The following NLRP4 variants were observed in gnomAD, a reference collection of about 807,000 sequenced individuals.
NLRP4 encodes the protein NACHT, LRR and PYD domains-containing protein 4.
In NLRP4, 44 loss-of-function variants were observed where a neutral mutation model predicts 84.7. The ratio of observed to expected loss-of-function variants is 0.52; its 90% CI spans 0.41 to 0.67. The LOEUF is 0.67. Ranked by LOEUF, NLRP4 falls within the 30% of genes least tolerant of loss-of-function variation. NLRP4 has a pLI of 0.00. For missense variants in NLRP4, 1,260 were observed against 1,219.4 expected (o/e 1.03, Z -0.50); for synonymous variants, 544 against 476.4 (o/e 1.14, Z -1.85).
chr19:55,849,899 G>A lies in NLRP4; in HGVS notation c.-65-2117G>A, dbSNP rs533594053. On this transcript the variant is annotated intron_variant, in intron 1 of 9. Coordinates refer to ENST00000301295, the MANE Select transcript of NLRP4 (RefSeq NM_134444.5). ...CCGCGGTGTAATTTCCGTGGCCGGC[G>A]GTGTAATTTCCGTAGCCGCGGTGTA... Among the ~76,000 whole-genome samples the A allele has an allele frequency of 9.4e-4, 138 of 146,736 alleles. 10 individuals carry two copies. The highest frequency in any genetic ancestry group is 1.7e-3 in the Non-Finnish European group (118 of 67,690).
intron 5 of NLRP4, among the ~76,000 whole-genome samples, chr19:55,865,087 G>A (rs904111039): frequency 4.6e-5 from 7 of 152,148 alleles, no homozygotes; most frequent in Admixed American, 2.6e-4. Flanking sequence ...TTCGTCACCC[G>A]TTAATAAGCA....
intron 1 of NLRP4, among the ~76,000 whole-genome samples, chr19:55,847,926 A>G (rs1031931713): frequency 1.3e-4 from 20 of 152,076 alleles, no homozygotes; most frequent in African/African-American, 4.6e-4. Context: ...CATCTTGGTC[A>G]GGCTGGTCTC....
chr19:55,865,110 G>C lies in NLRP4; in HGVS notation c.2187-2599G>C, dbSNP rs774191792. 2.7e-5 allele frequency among the ~76,000 whole-genome samples: 4 copies of C among 150,920 alleles called. No homozygotes were observed. The Admixed American group carries it at 2.7e-4, about 10-fold the overall frequency. On this transcript the variant is annotated intron_variant, in intron 5 of 9. Transcript: ENST00000301295. ...CCGTTAATAAGCATAGTACCTGATA[G>C]GTAGATTTTTCTTCCCCACCTTCTT...
At position 55,850,191 on chromosome 19, in the gene NLRP4, G is replaced by T. The variant is rs865823840; in HGVS notation, c.-65-1825G>T. Among the ~76,000 whole-genome samples the T allele has an allele frequency of 4.5e-3, 631 of 141,280 alleles. 19 individuals carry two copies. Among genetic ancestry groups the T allele is most frequent in the African/African-American group, 0.017 (577 of 33,452 alleles). 92.7% of individuals were successfully genotyped at this position (141,280 alleles called of 152,430 possible). A position where few individuals can be genotyped will look rare whatever the true frequency, so the allele number is the denominator to read the frequency against. On this transcript the variant is annotated intron_variant, in intron 1 of 9. Transcript: ENST00000301295. The stretch of plus-strand genomic sequence containing the variant: ...TTTCCGTGGCTGCGGTGTAATTTCC[G>T]TGGCTGCGGTGTAATTTCCGTGGCT...
chr19:55,868,908 A>G (rs1985066288), intron 6 of NLRP4, among the ~76,000 whole-genome samples: 1 of 152,198 alleles, frequency 6.6e-6, no homozygotes, highest in Non-Finnish European at 1.5e-5. Flanking sequence ...AAATGTCAAG[A>G]AAATGAGAGG....
At chr19:55,854,480 G>T (rs1051178086) in intron 2 of NLRP4, among the ~76,000 whole-genome samples, 6 of 152,142 alleles carry the variant, frequency 3.9e-5, no homozygotes, top group African/African-American at 7.2e-5. Flanking sequence ...AGTATGTCCG[G>T]TAATTTTGAG....
rs189950427 is a variant in NLRP4, at chr19:55,843,050, T to C, written c.-66+6116T>C. On this transcript the variant is annotated intron_variant, in intron 1 of 9. Transcript: ENST00000301295. Reference sequence around the variant, plus strand: ...CTGGGATTACAGGCGTCAGCCACCGTGCCTGGCCTTATTTCTTAAAGATTA... The same window carrying C: ...CTGGGATTACAGGCGTCAGCCACCGCGCCTGGCCTTATTTCTTAAAGATTA... 5.8e-3 allele frequency among the ~76,000 whole-genome samples: 878 copies of C among 152,294 alleles called. 5 individuals are homozygous for C. The highest frequency in any genetic ancestry group is 0.014 in the Middle Eastern group (4 of 294).
Position 55,858,246 on chromosome 19 carries a change from A to C in NLRP4, c.853A>C (p.Lys285Gln). The change falls in exon 3 of 10, where the codon AAG becomes CAG. Residue 285 changes from lysine (K) to glutamine (Q), a missense_variant. Around this residue, in one of 3 missense-constraint regions of NLRP4, gnomAD observed 712 missense variants for 669.2 expected, o/e 1.06. Transcript: ENST00000301295. The surrounding 1 kb of genome is among the most constrained non-coding windows in gnomAD (Gnocchi z 4.2). ...LLIAIKPVCP[K>Q]ELRDQVTISE... ...CATCGCTATCAAACCCGTGTGCCCG[A>C]AGGAGCTCCGGGATCAGGTGACGAT... 1 of 1,614,122 alleles carries C rather than the reference A, an allele frequency of 6.2e-7. No individual in the cohort carries two copies. Among genetic ancestry groups the C allele is most frequent in the Non-Finnish European group, 8.5e-7 (1 of 1,180,012 alleles).
At chr19:55,873,007 T>A (rs1985246006) in intron 7 of NLRP4, among the ~76,000 whole-genome samples, 1 of 152,142 alleles carries the variant, frequency 6.6e-6, no homozygotes, top group South Asian at 2.1e-4. Context: ...AGATATTCAG[T>A]ATGGCGGGGA....
rs370656923 is a variant in NLRP4, at chr19:55,857,792, C to T, written c.399C>T (p.Asp133=). The change falls in exon 3 of 10, where the codon GAC becomes GAT. Residue 133 remains aspartate, a synonymous_variant. Transcript: ENST00000301295. ...AGGAAGTCAAGCAAGAAGAATGTGACCATTTGGACCGCCTTTTTGCTCCCA... is the reference window on the plus strand; with the variant it reads ...AGGAAGTCAAGCAAGAAGAATGTGATCATTTGGACCGCCTTTTTGCTCCCA... ...FEEEVKQEEC[D]HLDRLFAPKE... 1.9e-5 allele frequency: 30 copies of T among 1,613,894 alleles called. No individual in the cohort carries two copies. The African/African-American group carries it at 3.3e-4, about 18-fold the overall frequency.
intron 9 of NLRP4, among the ~76,000 whole-genome samples, 185 bp downstream of exon 9, chr19:55,879,149 G>C (rs1262465850): frequency 1.3e-5 from 2 of 152,186 alleles, no homozygotes; most frequent in East Asian, 3.9e-4. Flanking sequence ...GGTGAACAGT[G>C]AATGTCCAAC....
In NLRP4 at chr19:55,877,126, C is replaced by A; in HGVS notation, c.2656C>A (p.Arg886=). The A allele has an allele frequency of 1.2e-6, 2 of 1,613,958 alleles. No homozygotes were observed. The highest frequency in any genetic ancestry group is 3.3e-5 in the Admixed American group (2 of 59,998). ...AGATGTGGGTGTGCAGCTGTTGTGT[C>A]GGGCTCTGACGCATACGGATTGCCG... ...IGDVGVQLLC[R]ALTHTDCRLE... The change falls in exon 8 of 10, where the codon CGG becomes AGG. Residue 886 remains arginine, a synonymous_variant. Coordinates refer to ENST00000301295, the MANE Select transcript of NLRP4 (RefSeq NM_134444.5).
At chr19:55,847,389 T>C (rs1202588166) in intron 1 of NLRP4, among the ~76,000 whole-genome samples, 2 of 152,240 alleles carry the variant, frequency 1.3e-5, no homozygotes, top group African/African-American at 4.8e-5. Context: ...GCTAATTGAT[T>C]ATCATGAATG....
rs1346849702 is a variant in NLRP4 at position 55,867,871 on chromosome 19, C to T, written c.2349C>T (p.Tyr783=). The T allele has an allele frequency of 1.9e-6, 3 of 1,613,738 alleles. No individual in the cohort carries two copies. In the South Asian group the frequency reaches 3.3e-5, roughly 18 times the overall value. The change falls in exon 6 of 10, where the codon TAC becomes TAT. Residue 783 remains tyrosine, a synonymous_variant. Coordinates refer to ENST00000301295, the MANE Select transcript of NLRP4 (RefSeq NM_134444.5). ...ALCSPDTVLV[Y]LMLAFCHLSE... The stretch of plus-strand genomic sequence containing the variant: ...GCAGCCCAGACACGGTCCTGGTATA[C>T]CTGATGTGAGTGGATGTTGGGGGTG...
intron 1 of NLRP4, among the ~76,000 whole-genome samples, chr19:55,848,444 G>A (rs12609633): frequency 0.039 from 5,862 of 151,276 alleles, 329 homozygotes; most frequent in East Asian, 0.25. Flanking sequence ...TCGCTCTGTC[G>A]CCAGGCTAGA....
At chr19:55,869,799 C>G (rs1439870253) in intron 6 of NLRP4, among the ~76,000 whole-genome samples, 2 of 147,888 alleles carry the variant, frequency 1.4e-5, no homozygotes, top group African/African-American at 2.5e-5. Context: ...AAAAAAAATT[C>G]ATAAACTGGC....
chr19:55,858,417 C>T lies in NLRP4; in HGVS notation c.1024C>T (p.Leu342Phe). Residue 342 changes from leucine (L) to phenylalanine (F), a missense_variant, in exon 3 of 10, where the codon CTC becomes TTC. Physicochemically the swap from Leu to Phe is conservative, Grantham distance 22. Coordinates refer to ENST00000301295, the MANE Select transcript of NLRP4 (RefSeq NM_134444.5). The surrounding 1 kb of genome is among the most constrained non-coding windows in gnomAD (Gnocchi z 4.2). ...EQLFSICQIP[L>F]LCWILCTSLK... is the part of the protein sequence containing the mutation. ...GCTGTTTTCCATATGCCAAATCCCGCTCCTCTGCTGGATCCTGTGTACCAG... is the reference window on the plus strand; with the variant it reads ...GCTGTTTTCCATATGCCAAATCCCGTTCCTCTGCTGGATCCTGTGTACCAG... 3 of 1,614,166 alleles carry T rather than the reference C, an allele frequency of 1.9e-6. No homozygotes were observed. The highest frequency in any genetic ancestry group is 2.2e-5 in the South Asian group (2 of 91,082).
chr19:55,850,627 G>T (rs868354643), intron 1 of NLRP4, among the ~76,000 whole-genome samples: 576 of 73,522 alleles, frequency 7.8e-3, no homozygotes, highest in Middle Eastern at 0.02. Flanking sequence ...GCGGTGTAAT[G>T]TCCGAGGCTG....
rs558115666 is a variant in NLRP4 at position 55,848,698 on chromosome 19, G to A, written c.-65-3318G>A. On this transcript the variant is annotated intron_variant, in intron 1 of 9. Coordinates refer to ENST00000301295, the MANE Select transcript of NLRP4 (RefSeq NM_134444.5). The stretch of plus-strand genomic sequence containing the variant: ...ATTACAGGCGTGAGCCACCATGCCC[G>A]GCTGTACTATATTCTTTAAAAAGAA... Among the ~76,000 whole-genome samples, 7 of 152,212 alleles carry A rather than the reference G, an allele frequency of 4.6e-5. No individual in the cohort carries two copies. In the South Asian group the frequency reaches 6.2e-4, roughly 14 times the overall value.
Sources: gnomAD v4.1 joint callset for allele counts (sites outside exome capture counted in the v4.1 genomes callset) on GRCh38, gnomAD v4.1.1 for gene constraint, gnomAD v4.1.1 regional missense constraint, Gnocchi (gnomAD v3.1) non-coding constraint, MANE v1.5 for transcripts, NCBI Gene and HGNC (gene_info 2026-07-23, HGNC 2026-07-21) for gene names.